The following DCC variants were observed in gnomAD, a reference collection of about 807,000 sequenced individuals.
DCC encodes DCC netrin 1 receptor, also known as netrin receptor DCC.
A neutral mutation model predicts 172.5 loss-of-function variants in DCC; 58 were observed. That is an observed-to-expected ratio of 0.34 (90% CI 0.27 to 0.42). DCC has a LOEUF of 0.42. Ranked by LOEUF, DCC falls within the 10% of genes least tolerant of loss-of-function variation. The pLI is 1.00. For missense variants in DCC, 1,740 were observed against 1,791.0 expected (o/e 0.97, Z 0.51); for synonymous variants, 709 against 644.5 (o/e 1.10, Z -1.52).
In DCC at chr18:52,630,847, G is replaced by A. The variant is rs527473968; in HGVS notation, c.92-121207G>A. ...TGTACACAGCAAGTCATCCACACATGACTTTAAAAAGCTGTTGTTTATGTA... is the reference window on the plus strand; with the variant it reads ...TGTACACAGCAAGTCATCCACACATAACTTTAAAAAGCTGTTGTTTATGTA... On this transcript the variant is annotated intron_variant, in intron 1 of 28. Transcript: ENST00000442544. Among the ~76,000 whole-genome samples the A allele has an allele frequency of 4.6e-5, 7 of 152,280 alleles. No homozygotes were observed. The South Asian group carries it at 1.5e-3, about 32-fold the overall frequency.
chr18:53,226,948 A>ATATATATATATTTTTTTTTTTTTTTTT, intron 12 of DCC, among the ~76,000 whole-genome samples: 6 of 52,954 alleles, frequency 1.1e-4, no homozygotes, highest in African/African-American at 1.9e-4. Context: ...ATATATATAT[A>ATATATATATATTTTTTTTTTTTTTTTT]TTTTTTTTTT....
chr18:52,763,386 ATT>A (rs1194768130), intron 2 of DCC, among the ~76,000 whole-genome samples: 1 of 152,214 alleles, frequency 6.6e-6, no homozygotes, highest in Non-Finnish European at 1.5e-5. Flanking sequence ...ATAAAAAATA[ATT>A]AGTATTTCTT....
At chr18:52,940,721 C>G (rs1386035192) in intron 5 of DCC, among the ~76,000 whole-genome samples, 1 of 152,204 alleles carries the variant, frequency 6.6e-6, no homozygotes, top group East Asian at 1.9e-4. Context: ...ATGATGTACT[C>G]TTTCTGCTAT....
rs1297380466 is a variant in DCC, at chr18:52,340,348, C to G, written c.-440C>G. ...GAATTGTCTCTTCAACTTTACCCAA[C>G]CGACGACAAGGAACCAGCCTCAACC... On this transcript the variant is annotated 5_prime_UTR_variant, in exon 1 of 29. Coordinates refer to ENST00000442544, the MANE Select transcript of DCC (RefSeq NM_005215.4). The G allele has an allele frequency of 9.8e-6, 2 of 204,704 alleles. No individual in the cohort carries two copies. The highest frequency in any genetic ancestry group is 4.6e-5 in the African/African-American group (2 of 43,718). 12.7% of individuals were successfully genotyped at this position (204,704 alleles called of 1,614,324 possible).
In DCC at chr18:53,110,798, G is replaced by C. The variant is rs113207579; in HGVS notation, c.1261+44632G>C. ...AAATAGGAACACTTTTACACTGTTG[G>C]TGGGACTGTAAACTAGTTCAACCAT... On this transcript the variant is annotated intron_variant, in intron 7 of 28. Coordinates refer to ENST00000442544, the MANE Select transcript of DCC (RefSeq NM_005215.4). Among the ~76,000 whole-genome samples, 192 of 126,340 alleles carry C rather than the reference G, an allele frequency of 1.5e-3. 1 individual carries two copies. Among genetic ancestry groups the C allele is most frequent in the African/African-American group, 5.7e-3 (182 of 32,186 alleles). 82.9% of individuals were successfully genotyped at this position (126,340 alleles called of 152,430 possible).
At chr18:52,457,137 G>C (rs1988483282) in intron 1 of DCC, among the ~76,000 whole-genome samples, 2 of 152,024 alleles carry the variant, frequency 1.3e-5, no homozygotes, top group Admixed American at 6.6e-5. Context: ...TATGAACTGT[G>C]CTTTTAAAAA....
At chr18:53,002,380 C>G (rs2041579259) in intron 5 of DCC, among the ~76,000 whole-genome samples, 1 of 152,094 alleles carries the variant, frequency 6.6e-6, no homozygotes. Context: ...CAGAAATTCA[C>G]CTGACAATAC....
rs1908216888 is a variant in DCC, at chr18:53,387,042, CAGAT to C, written c.2455+906_2455+909del. ...ACCCTTCGGACGTCGTTTAACTTGT[CAGAT>C]ATTGTCCCCTTAACGAAAACAGAGG... On this transcript the variant is annotated intron_variant, in intron 16 of 28. Transcript: ENST00000442544. Among the ~76,000 whole-genome samples, 5 of 152,256 alleles carry C rather than the reference CAGAT, an allele frequency of 3.3e-5. No individual in the cohort carries two copies. The South Asian group carries it at 8.3e-4, about 25-fold the overall frequency.
chr18:52,713,905 A>C (rs2036337205), intron 1 of DCC, among the ~76,000 whole-genome samples: 1 of 152,164 alleles, frequency 6.6e-6, no homozygotes, highest in South Asian at 2.1e-4. Context: ...TTTGCACAGA[A>C]AGGAAGATGA....
chr18:52,617,422 C>T (rs181617924), intron 1 of DCC, among the ~76,000 whole-genome samples: 32 of 152,156 alleles, frequency 2.1e-4, no homozygotes, highest in African/African-American at 7.5e-4. Context: ...ATAGGGGCTT[C>T]GTCATCCAGA....
At chr18:53,276,281 A>AT (rs2056806015) in intron 12 of DCC, among the ~76,000 whole-genome samples, 1 of 152,142 alleles carries the variant, frequency 6.6e-6, no homozygotes, top group Non-Finnish European at 1.5e-5. Context: ...TCCCTAGATA[A>AT]TTAAATCATC....
chr18:52,900,933 G>A (rs554875888), intron 2 of DCC, among the ~76,000 whole-genome samples: 326 of 152,268 alleles, frequency 2.1e-3, no homozygotes, highest in Middle Eastern at 6.8e-3. Flanking sequence ...AAGTACTTCA[G>A]GCTGAAATTT....
intron 15 of DCC, among the ~76,000 whole-genome samples, chr18:53,345,529 T>G (rs2144884003): frequency 6.6e-6 from 1 of 152,292 alleles, no homozygotes; most frequent in South Asian, 2.1e-4. Context: ...AACTATGATG[T>G]TTTCTATTTA....
intron 7 of DCC, among the ~76,000 whole-genome samples, chr18:53,094,961 A>T (rs544644854): frequency 9.9e-4 from 151 of 152,316 alleles, no homozygotes; most frequent in African/African-American, 3.6e-3. Context: ...TCTATATTAA[A>T]TGAAAGCTTA....
chr18:52,668,791 C>T (rs1599003727), intron 1 of DCC, among the ~76,000 whole-genome samples: 1 of 152,154 alleles, frequency 6.6e-6, no homozygotes, highest in African/African-American at 2.4e-5. Flanking sequence ...CATCTTTCTA[C>T]CATGGTTGGT....
chr18:53,193,363 C>CGCA (rs1211155121), intron 9 of DCC, among the ~76,000 whole-genome samples: 1 of 151,976 alleles, frequency 6.6e-6, no homozygotes, highest in Admixed American at 6.6e-5. Context: ...CTCAAATCCC[C>CGCA]GCAGTGCCTG....
intron 1 of DCC, among the ~76,000 whole-genome samples, chr18:52,534,150 T>A (rs2032226401): frequency 6.6e-6 from 1 of 152,088 alleles, no homozygotes; most frequent in South Asian, 2.1e-4. Flanking sequence ...TGTTTTCAAT[T>A]TTTTTTCATA....
chr18:52,420,252 A>G (rs570997153), intron 1 of DCC, among the ~76,000 whole-genome samples: 5 of 152,308 alleles, frequency 3.3e-5, no homozygotes, highest in African/African-American at 1.2e-4. Flanking sequence ...CTGGCACACA[A>G]TTGAAGAAAC....
Position 52,979,592 on chromosome 18 carries a change from A to T in DCC, c.985+54222A>T, listed in dbSNP as rs529907569. The stretch of plus-strand genomic sequence containing the variant: ...TCCCTCTCCCAAGTAAGGAGAAAGT[A>T]GGTTCCAAGCAAAAACACCCCTCAG... On this transcript the variant is annotated intron_variant, in intron 5 of 28. Transcript: ENST00000442544. Among the ~76,000 whole-genome samples the T allele has an allele frequency of 2.0e-5, 3 of 152,346 alleles. No homozygotes were observed. In the South Asian group the frequency reaches 6.2e-4, roughly 32 times the overall value.
Sources: allele counts gnomAD v4.1 joint callset (sites outside exome capture counted in the v4.1 genomes callset), GRCh38; gene constraint gnomAD v4.1.1; transcripts MANE v1.5; gene names NCBI Gene and HGNC (gene_info 2026-07-23, HGNC 2026-07-21).